CSMD1: variants seen among roughly 807,000 people sequenced by gnomAD.
CSMD1 encodes CUB and Sushi multiple domains 1, also known as CUB and sushi domain-containing protein 1.
Under a neutral mutation model 417.5 loss-of-function variants are expected in CSMD1, and 213 were observed. That is an observed-to-expected ratio of 0.51 (90% CI 0.46 to 0.57). The LOEUF (loss-of-function observed/expected upper bound fraction) is 0.57, where lower values mean the gene tolerates loss of function less well. Among genes scored for constraint, CSMD1 ranks in the 20% least tolerant of loss-of-function variants. The probability of loss-of-function intolerance (pLI) is 0.00; values close to 1 mark genes in which losing one functional copy is unlikely to be tolerated. For missense variants in CSMD1, 6,923 were observed against 4,529.7 expected (o/e 1.53, Z -15.17); for synonymous variants, 2,862 against 1,736.8 (o/e 1.65, Z -16.11).
intron 1 of CSMD1, among the ~76,000 whole-genome samples, chr8:4,701,881 G>C (rs1807580151): frequency 6.6e-6 from 1 of 152,156 alleles, no homozygotes; most frequent in African/African-American, 2.4e-5. Flanking sequence ...ATGATAGACT[G>C]GATAAAGAAC....
chr8:3,671,331 T>C (rs1209914372), intron 7 of CSMD1, among the ~76,000 whole-genome samples: 1 of 148,138 alleles, frequency 6.8e-6, no homozygotes, highest in East Asian at 2.0e-4. Flanking sequence ...TATGTGGAAA[T>C]TATTACATGC....
chr8:4,201,888 G>T (rs1409844741), intron 3 of CSMD1, among the ~76,000 whole-genome samples: 59 of 3,330 alleles, frequency 0.018, no homozygotes, highest in African/African-American at 0.02. Context: ...TGGAAATTTT[G>T]GGGGGGGGGG....
intron 3 of CSMD1, among the ~76,000 whole-genome samples, chr8:4,293,078 A>G (rs1797462862): frequency 1.3e-5 from 2 of 152,278 alleles, no homozygotes; most frequent in South Asian, 2.1e-4. Context: ...GAGTAGAACC[A>G]TGCACTGCAC....
intron 2 of CSMD1, among the ~76,000 whole-genome samples, chr8:4,436,217 T>A (rs1373121109): frequency 6.6e-6 from 1 of 152,216 alleles, no homozygotes; most frequent in African/African-American, 2.4e-5. Context: ...ATGCCTCATA[T>A]TAACTTATTG....
At position 3,190,075 on chromosome 8, in the gene CSMD1, G is replaced by C. The variant is rs1474815603; in HGVS notation, c.5235C>G (p.Pro1745=). Reference sequence around the variant, plus strand: ...CAATTCTCCTTCCGTATCTGGGCTCGGGGACAGAGCTGCATTGGGTGTCAC... The same window carrying C: ...CAATTCTCCTTCCGTATCTGGGCTCCGGGACAGAGCTGCATTGGGTGTCAC... ...RTSDTQCSSV[P]EPRYGRRIGS... Residue 1745 remains proline, a synonymous_variant, in exon 34 of 70, where the codon CCC becomes CCG. Transcript: ENST00000635120. 3 of 1,595,240 alleles carry C rather than the reference G, an allele frequency of 1.9e-6. No individual in the cohort carries two copies. Among genetic ancestry groups the C allele is most frequent in the South Asian group, 1.1e-5 (1 of 87,424 alleles).
rs190623156 is a variant in CSMD1, at chr8:3,174,306, C to A, written c.5725+6804G>T. On this transcript the variant is annotated intron_variant, in intron 37 of 69. Transcript: ENST00000635120. ...CTCAGGAGTTGGAGACTAGCCTGGG[C>A]AACATGGTGAAAGCCTGTATCTATT... 6.9e-4 allele frequency among the ~76,000 whole-genome samples: 105 copies of A among 152,242 alleles called. 1 individual carries two copies. Among genetic ancestry groups the A allele is most frequent in the Middle Eastern group, 6.8e-3 (2 of 294 alleles).
intron 5 of CSMD1, among the ~76,000 whole-genome samples, chr8:3,950,249 A>C (rs1419587686): frequency 6.6e-6 from 1 of 152,190 alleles, no homozygotes; most frequent in Non-Finnish European, 1.5e-5. Context: ...ATGATGATGA[A>C]TTAGTAGTTT....
chr8:3,289,091 C>G (rs1442690335), intron 25 of CSMD1, among the ~76,000 whole-genome samples: 2 of 147,134 alleles, frequency 1.4e-5, no homozygotes, highest in Non-Finnish European at 2.9e-5. Flanking sequence ...GTTTTTTGTC[C>G]TTGAGATAGT....
At chr8:4,841,539 TAAAAC>T (rs1344333714) in intron 1 of CSMD1, among the ~76,000 whole-genome samples, 2 of 152,116 alleles carry the variant, frequency 1.3e-5, no homozygotes, top group Non-Finnish European at 2.9e-5. Flanking sequence ...GTGTCATACA[TAAAAC>T]AAAGGTCAAA....
At chr8:4,302,370 G>C (rs561670851) in intron 3 of CSMD1, among the ~76,000 whole-genome samples, 2 of 152,192 alleles carry the variant, frequency 1.3e-5, no homozygotes, top group East Asian at 3.9e-4. Context: ...TGTATCAAGG[G>C]GTTATACTAT....
intron 5 of CSMD1, among the ~76,000 whole-genome samples, chr8:3,943,482 T>G (rs1396094926): frequency 6.8e-6 from 1 of 146,086 alleles, no homozygotes; most frequent in Non-Finnish European, 1.5e-5. Context: ...AGTCAGTGGG[T>G]GCTGAAATTA....
rs781336350 is a variant in CSMD1 at position 3,018,591 on chromosome 8, C to T, written c.7915G>A (p.Val2639Ile). ...PNGNKIGTLT[V>I]YGATAIFTCN... ...GTAAATATAGCTGTGGCCCCATAAA[C>T]TGTCAACGTTCCAATCTTGTTGCCA... Residue 2639 changes from valine to isoleucine, a missense_variant, in exon 52 of 70, where the codon GTT becomes ATT. Val to Ile is a conservative substitution (Grantham distance 29, BLOSUM62 3). Coordinates refer to ENST00000635120, the MANE Select transcript of CSMD1 (RefSeq NM_033225.6). 1.2e-6 allele frequency: 2 copies of T among 1,613,432 alleles called. No homozygotes were observed. The highest frequency in any genetic ancestry group is 1.6e-4 in the Middle Eastern group (1 of 6,082).
At chr8:4,293,025 G>C (rs560970321) in intron 3 of CSMD1, among the ~76,000 whole-genome samples, 2 of 152,170 alleles carry the variant, frequency 1.3e-5, no homozygotes, top group Admixed American at 6.5e-5. Flanking sequence ...GGGAAAGTGT[G>C]GTTATGGCTT....
intron 5 of CSMD1, 144 bp downstream of exon 5, chr8:3,997,759 C>G: frequency 5.7e-6 from 4 of 700,340 alleles, no homozygotes; most frequent in Non-Finnish European, 9.4e-6. Context: ...GGTAACTTTT[C>G]CAGAGCCAAA....
At chr8:3,631,510 T>C (rs1223730161) in intron 7 of CSMD1, among the ~76,000 whole-genome samples, 2 of 152,148 alleles carry the variant, frequency 1.3e-5, no homozygotes, top group East Asian at 1.9e-4. Context: ...GGGAATAGCT[T>C]AGGGGATTCC....
chr8:4,341,492 C>A (rs541227140), intron 3 of CSMD1, among the ~76,000 whole-genome samples: 1 of 152,078 alleles, frequency 6.6e-6, no homozygotes, highest in Non-Finnish European at 1.5e-5. Context: ...ACAGACTACT[C>A]TGCATATCAT....
At chr8:4,508,697 G>C (rs193243823) in intron 2 of CSMD1, among the ~76,000 whole-genome samples, 1 of 152,200 alleles carries the variant, frequency 6.6e-6, no homozygotes, top group East Asian at 1.9e-4. Flanking sequence ...AGTGGGTCTG[G>C]AACCATTTTT....
intron 22 of CSMD1, among the ~76,000 whole-genome samples, chr8:3,347,238 A>C (rs775083739): frequency 4.6e-5 from 7 of 152,346 alleles, no homozygotes; most frequent in Admixed American, 1.3e-4. Context: ...TTTCCTTTTC[A>C]GTGCCTTGAG....
At chr8:4,325,459 A>G (rs771288610) in intron 3 of CSMD1, among the ~76,000 whole-genome samples, 81 of 152,154 alleles carry the variant, frequency 5.3e-4, no homozygotes, top group Non-Finnish European at 2.8e-4. Flanking sequence ...TCATGTAAGA[A>G]TCGTCTACTT....
Sources: gnomAD v4.1 joint callset for allele counts (sites outside exome capture counted in the v4.1 genomes callset) on GRCh38, gnomAD v4.1.1 for gene constraint, MANE v1.5 for transcripts, NCBI Gene and HGNC (gene_info 2026-07-23, HGNC 2026-07-21) for gene names.